FARP1: variants seen among roughly 807,000 people sequenced by gnomAD.
The protein encoded by FARP1 is FERM, ARH/RhoGEF and pleckstrin domain protein 1.
In FARP1, 52 loss-of-function variants were observed where a neutral mutation model predicts 128.8. The observed-to-expected ratio is 0.40, with a 90% CI of 0.32 to 0.51. The LOEUF (loss-of-function observed/expected upper bound fraction) is 0.51, where lower values mean the gene tolerates loss of function less well. FARP1 is among the 20% of genes least tolerant of loss of function. FARP1 has a pLI of 0.45. For synonymous variants in FARP1, 580 were observed against 551.8 expected (o/e 1.05, Z -0.72); for missense variants, 1,333 against 1,367.9 (o/e 0.97, Z 0.40).
intron 3 of FARP1, among the ~76,000 whole-genome samples, chr13:98,363,493 C>G (rs910236417): frequency 6.6e-6 from 1 of 152,200 alleles, no homozygotes; most frequent in Non-Finnish European, 1.5e-5. Flanking sequence ...GGGTACCCAC[C>G]TTTGATATAC....
At chr13:98,239,505 C>T (rs1203235966) in intron 2 of FARP1, among the ~76,000 whole-genome samples, 3 of 152,160 alleles carry the variant, frequency 2.0e-5, no homozygotes, top group Non-Finnish European at 2.9e-5. Flanking sequence ...ACTGTGGAAT[C>T]ATTTTAAGTG....
At chr13:98,390,769 G>A in intron 10 of FARP1, 43 bp from the exon 11 acceptor site, 1 of 1,419,062 alleles carries the variant, frequency 7.0e-7, no homozygotes, top group Non-Finnish European at 1.0e-6. Flanking sequence ...AAATGAGAAT[G>A]CCTTGGTATT....
chr13:98,145,254 T>G (rs552979537), intron 1 of FARP1, among the ~76,000 whole-genome samples: 1 of 152,220 alleles, frequency 6.6e-6, no homozygotes, highest in Non-Finnish European at 1.5e-5. Context: ...AGGGGCAGAT[T>G]CTATGGTGCA....
intron 2 of FARP1, among the ~76,000 whole-genome samples, chr13:98,253,519 G>C (rs1411409313): frequency 2.6e-5 from 4 of 152,170 alleles, no homozygotes; most frequent in Non-Finnish European, 4.4e-5. Context: ...TTTAAACTAT[G>C]GCCTGGGTTT....
chr13:98,368,073 C>T, intron 4 of FARP1, 44 bp from the exon 5 acceptor site: 1 of 1,478,542 alleles, frequency 6.8e-7, no homozygotes, highest in Non-Finnish European at 9.4e-7. Context: ...GCATTTGAAA[C>T]ACAAATCAGT....
chr13:98,211,518 C>G (rs1177775599), intron 1 of FARP1, among the ~76,000 whole-genome samples: 1 of 152,236 alleles, frequency 6.6e-6, no homozygotes, highest in African/African-American at 2.4e-5. Flanking sequence ...TGCTCTAGCA[C>G]CTGACTTCAA....
chr13:98,437,053 T>C (rs1892298941), intron 19 of FARP1, among the ~76,000 whole-genome samples: 1 of 152,212 alleles, frequency 6.6e-6, no homozygotes, highest in Non-Finnish European at 1.5e-5. Flanking sequence ...CTCTCCCTCA[T>C]AGGTCATTAA....
intron 1 of FARP1, among the ~76,000 whole-genome samples, chr13:98,146,495 T>C (rs1319721579): frequency 6.6e-6 from 1 of 152,228 alleles, no homozygotes; most frequent in Non-Finnish European, 1.5e-5. Flanking sequence ...CTCAAAGTGC[T>C]GGGATTACAG....
intron 24 of FARP1, among the ~76,000 whole-genome samples, chr13:98,444,736 CTG>C (rs1249967432): frequency 6.6e-6 from 1 of 152,246 alleles, no homozygotes; most frequent in African/African-American, 2.4e-5. Flanking sequence ...TGGGCCCAGA[CTG>C]TGATGGGTGA....
chr13:98,446,774 C>G lies in FARP1; in HGVS notation c.3013C>G (p.His1005Asp). 1 of 1,614,164 alleles carries G rather than the reference C, an allele frequency of 6.2e-7. No individual in the cohort carries two copies. Among genetic ancestry groups the G allele is most frequent in the Non-Finnish European group, 8.5e-7 (1 of 1,180,038 alleles). The part of the protein sequence containing the change: ...DYVFKLHFKS[H>D]VYYFRAESEY... ...CGTGTTCAAGCTGCACTTCAAGTCC[C>G]ACGTCTACTACTTCAGGGCGGAAAG... Residue 1005 changes from histidine to aspartate, a missense_variant, in exon 26 of 27, where the codon CAC becomes GAC. Physicochemically the swap from His to Asp is moderately conservative, Grantham distance 81. Transcript: ENST00000319562.
chr13:98,165,709 G>GTTTTTTT (rs1566685742), intron 1 of FARP1, among the ~76,000 whole-genome samples: 6 of 102,404 alleles, frequency 5.9e-5, no homozygotes, highest in Admixed American at 1.1e-4. Flanking sequence ...TTCCAGAAGG[G>GTTTTTTT]GTTTTTTTTT....
intron 2 of FARP1, among the ~76,000 whole-genome samples, chr13:98,214,190 A>G (rs550555136): frequency 6.6e-6 from 1 of 152,272 alleles, no homozygotes; most frequent in Admixed American, 6.5e-5. Flanking sequence ...TCCTCCTCAG[A>G]TCGCTCCTGC....
chr13:98,223,030 A>C (rs1433329572), intron 2 of FARP1, among the ~76,000 whole-genome samples: 1 of 152,056 alleles, frequency 6.6e-6, no homozygotes, highest in African/African-American at 2.4e-5. Flanking sequence ...TCATCTCCAC[A>C]TGGTAGTTAC....
In FARP1 at chr13:98,388,306, C is replaced by T. The variant is rs550909212; in HGVS notation, c.760-77C>T. On this transcript the variant is annotated intron_variant, in intron 8 of 26. Transcript: ENST00000319562. ...GCCTGCCAGCCCTCTTCCTTTAGCT[C>T]CCATAAGCAAAACAGACCAACTCCC... 1.4e-4 allele frequency: 153 copies of T among 1,079,334 alleles called. 1 individual carries two copies. In the South Asian group the frequency reaches 1.9e-3, roughly 13 times the overall value. The allele number at this position is 1,079,334 out of a possible 1,614,324, so 66.9% of individuals were successfully genotyped here.
chr13:98,395,734 G>A (rs3783017), intron 13 of FARP1: 91,458 of 425,442 alleles, frequency 0.21, 13,781 homozygotes, highest in East Asian at 0.65. Flanking sequence ...GCCTCCTTCC[G>A]GAGAATTCCT....
chr13:98,153,567 T>TATTATGTATAAATATGTATAAA (rs397946075), intron 1 of FARP1, among the ~76,000 whole-genome samples: 3 of 97,466 alleles, frequency 3.1e-5, no homozygotes, highest in East Asian at 3.2e-4. Context: ...TTTATATATA[T>TATTATGTATAAATATGTATAAA]TATATATATA....
rs540452656 is a variant in FARP1 at position 98,393,824 on chromosome 13, G to A, written c.1164+106G>A. 1.1e-5 allele frequency: 9 copies of A among 828,702 alleles called. No individual in the cohort carries two copies. The East Asian group carries it at 1.6e-4, about 15-fold the overall frequency. The allele number at this position is 828,702 out of a possible 1,614,324, so 51.3% of individuals were successfully genotyped here. A position where few individuals can be genotyped will look rare whatever the true frequency, so the allele number is the denominator to read the frequency against. ...TCTTGTTCTCTGTCCTTTCCTTTGG[G>A]GTTTTTAGCAGATGAGAATCTGATT... On this transcript the variant is annotated intron_variant, in intron 12 of 26. Coordinates refer to ENST00000319562, the MANE Select transcript of FARP1 (RefSeq NM_005766.4).
chr13:98,194,378 A>G (rs1879436385), intron 1 of FARP1, among the ~76,000 whole-genome samples: 1 of 152,214 alleles, frequency 6.6e-6, no homozygotes, highest in Non-Finnish European at 1.5e-5. Context: ...CGGCCTCCCA[A>G]AGTGCTGGGA....
intron 1 of FARP1, among the ~76,000 whole-genome samples, chr13:98,185,724 G>GTC (rs1878818963): frequency 6.6e-6 from 1 of 151,546 alleles, no homozygotes; most frequent in Non-Finnish European, 1.5e-5. Context: ...TTGAGATGGA[G>GTC]TCTCTCTCTG....
Sources: allele counts gnomAD v4.1 joint callset (sites outside exome capture counted in the v4.1 genomes callset), GRCh38; gene constraint gnomAD v4.1.1; transcripts MANE v1.5; gene names NCBI Gene and HGNC (gene_info 2026-07-23, HGNC 2026-07-21).